Variants in THY1 observed in about 807,000 individuals in gnomAD.
THY1 encodes the protein thy-1 membrane glycoprotein.
Under a neutral mutation model 14.9 loss-of-function variants are expected in THY1, and 10 were observed. That is an observed-to-expected ratio of 0.67 (90% CI 0.41 to 1.14). The LOEUF is 1.14. Among genes scored for constraint, THY1 ranks in the 50% most tolerant of loss-of-function variants. The pLI, the probability that THY1 is intolerant of heterozygous loss-of-function variation, is 0.00. For synonymous variants in THY1, 80 were observed against 90.0 expected (o/e 0.89, Z 0.63); for missense variants, 159 against 202.1 (o/e 0.79, Z 1.29).
intron 3 of THY1, 31 bp from the exon 4 acceptor site, chr11:119,419,551 G>A: frequency 6.3e-7 from 1 of 1,583,568 alleles, no homozygotes; most frequent in South Asian, 1.1e-5. Flanking sequence ...CGGGGGCAGG[G>A]TAGGAAGGAA....
In THY1 at chr11:119,416,235, G is replaced by C. The variant is rs9651689; in HGVS notation, c.*3173C>G. On this transcript the variant is annotated 3_prime_UTR_variant, in exon 4 of 4. Transcript: ENST00000284240. ...TAGGTATGGACTTAGGTGCTGAAGG[G>C]GGGGGACCCAGGAAAGAGGTTAGGA... Among the ~76,000 whole-genome samples, 2,559 of 152,268 alleles carry C rather than the reference G, an allele frequency of 0.017. 64 individuals are homozygous for C. The highest frequency in any genetic ancestry group is 0.057 in the African/African-American group (2,358 of 41,550).
At chr11:119,423,295 TG>T (rs1449168621), upstream of THY1, 1 of 118,418 alleles carries the variant, frequency 8.4e-6, no homozygotes, top group African/African-American at 5.9e-5. Flanking sequence ...GGGTGGGGGG[TG>T]GGGAAGGAAG....
In THY1 at chr11:119,423,095, A is replaced by C. The variant is rs920224031; in HGVS notation, c.-25+18T>G. 1.8e-5 allele frequency: 8 copies of C among 455,716 alleles called. No homozygotes were observed. Among genetic ancestry groups the C allele is most frequent in the Non-Finnish European group, 3.5e-5 (8 of 226,820 alleles). 28.2% of individuals were successfully genotyped at this position (455,716 alleles called of 1,614,324 possible). On this transcript the variant is annotated intron_variant, in intron 1 of 3. Coordinates refer to ENST00000284240, the MANE Select transcript of THY1 (RefSeq NM_006288.5). Reference sequence around the variant, plus strand: ...CGGCGGTCCCCGAGCCCCAGGTCCCACCGGCTCCAGTTCCCACCTGGACTG... The same window carrying C: ...CGGCGGTCCCCGAGCCCCAGGTCCCCCCGGCTCCAGTTCCCACCTGGACTG...
chr11:119,420,136 G>C lies in THY1; in HGVS notation c.288C>G (p.Ser96Arg). 3 of 1,614,266 alleles carry C rather than the reference G, an allele frequency of 1.9e-6. No individual in the cohort carries two copies. The highest frequency in any genetic ancestry group is 2.5e-6 in the Non-Finnish European group (3 of 1,180,048). Residue 96 changes from serine to arginine, a missense_variant, in exon 3 of 4, where the codon AGC becomes AGG. Coordinates refer to ENST00000284240, the MANE Select transcript of THY1 (RefSeq NM_006288.5). The stretch of plus-strand genomic sequence containing the variant: ...CACACGTGTAGGTGCCCTCGTCCTT[G>C]CTAGTGAAGGCGGATAAGTAGAGGA... ...MKVLYLSAFT[S>R]KDEGTYTCAL...
chr11:119,421,276 T>A (rs1861894598), intron 1 of THY1: 1 of 196,176 alleles, frequency 5.1e-6, no homozygotes, highest in East Asian at 1.2e-4. Flanking sequence ...GGCTTCGTAT[T>A]TAAAAAAAAA....
chr11:119,422,938 C>T lies in THY1; in HGVS notation c.-25+175G>A, dbSNP rs898840314. Among the ~76,000 whole-genome samples, 3 of 152,242 alleles carry T rather than the reference C, an allele frequency of 2.0e-5. No individual in the cohort carries two copies. The highest frequency in any genetic ancestry group is 4.4e-5 in the Non-Finnish European group (3 of 68,020). ...CATCAGGGTGCCACGCGGCCCCTGCCCTGCAGAAGCATCCCCCTCCCGCCC... is the reference window on the plus strand; with the variant it reads ...CATCAGGGTGCCACGCGGCCCCTGCTCTGCAGAAGCATCCCCCTCCCGCCC... On this transcript the variant is annotated intron_variant, in intron 1 of 3. Coordinates refer to ENST00000284240, the MANE Select transcript of THY1 (RefSeq NM_006288.5). This position sits in a 1 kb window ranked among gnomAD's most constrained non-coding sequence, Gnocchi z 7.0.
Position 119,419,511 on chromosome 11 carries a change from A to C in THY1, c.383T>G (p.Val128Gly). Residue 128 changes from valine (V) to glycine (G), a missense_variant, in exon 4 of 4, where the codon GTC becomes GGC. Physicochemically the swap from Val to Gly is moderately radical, Grantham distance 109. Transcript: ENST00000284240. ...QNVTVLRDKLVKCEGISLLAQ... is the reference protein window; with the variant it reads ...QNVTVLRDKLGKCEGISLLAQ... ...CAGCAGGCTGATGCCCTCACACTTG[A>C]CCAGTTTGTCTGCAGAAAGAGAAGG... 1 of 1,612,910 alleles carries C rather than the reference A, an allele frequency of 6.2e-7. No individual in the cohort carries two copies. Among genetic ancestry groups the C allele is most frequent in the Non-Finnish European group, 8.5e-7 (1 of 1,179,924 alleles).
chr11:119,415,730 G>A lies in THY1; in HGVS notation c.*3678C>T, dbSNP rs763263370. Among the ~76,000 whole-genome samples, 4 of 152,268 alleles carry A rather than the reference G, an allele frequency of 2.6e-5. 1 individual carries two copies. The South Asian group carries it at 8.3e-4, about 32-fold the overall frequency. Reference sequence around the variant, plus strand: ...GTGCCGGGCAAAGATGCCTCCTGTGGGTCTGCACAGGACATGTTTCTCCTT... The same window carrying A: ...GTGCCGGGCAAAGATGCCTCCTGTGAGTCTGCACAGGACATGTTTCTCCTT... On this transcript the variant is annotated 3_prime_UTR_variant, in exon 4 of 4. Coordinates refer to ENST00000284240, the MANE Select transcript of THY1 (RefSeq NM_006288.5).
chr11:119,420,725 C>T (rs764094961), intron 2 of THY1, 144 bp downstream of exon 2: 47 of 1,007,352 alleles, frequency 4.7e-5, no homozygotes, highest in Non-Finnish European at 6.6e-5. Flanking sequence ...AGAATATCAG[C>T]GCGGTGGATT....
intron 2 of THY1, 147 bp from the exon 3 acceptor site, chr11:119,420,533 T>G: frequency 1.3e-6 from 1 of 763,590 alleles, no homozygotes; most frequent in South Asian, 1.9e-5. Flanking sequence ...ATCCCACTTC[T>G]CCTTTGCAGA....
rs1861874015 is a variant in THY1 at position 119,420,326 on chromosome 11, C to T, written c.98G>A (p.Ser33Asn). ...CTCATGGCGGCAGTCCAGACGAAGG[C>T]TCTGGTCCACTAGGCAGGCCGTTAG... ...TSLTACLVDQ[S>N]LRLDCRHENT... The change falls in exon 3 of 4, where the codon AGC becomes AAC. Residue 33 changes from serine (S) to asparagine (N), a missense_variant. Physicochemically the swap from Ser to Asn is conservative, Grantham distance 46. Coordinates refer to ENST00000284240, the MANE Select transcript of THY1 (RefSeq NM_006288.5). The T allele has an allele frequency of 1.2e-6, 2 of 1,614,058 alleles. No individual in the cohort carries two copies.
At chr11:119,423,520 T>A (rs911522917), upstream of THY1, 3 of 277,576 alleles carry the variant, frequency 1.1e-5, no homozygotes, top group Non-Finnish European at 2.1e-5. Flanking sequence ...TCTTCAGGAG[T>A]CTGTGGGAAA....
chr11:119,423,580 A>G (rs11574653), upstream of THY1: 52,931 of 205,186 alleles, frequency 0.26, 7,302 homozygotes, highest in Admixed American at 0.32. Context: ...CCACGCCTCC[A>G]CATTTCCTTT....
Position 119,419,120 on chromosome 11 carries a change from C to A in THY1, c.*288G>T. ...TCAGGTCCCCAATCCTGGCTTCCCT[C>A]TTCACGAACTCTCAAAGAAAAGGAA... On this transcript the variant is annotated 3_prime_UTR_variant, in exon 4 of 4. Transcript: ENST00000284240. The A allele has an allele frequency of 2.5e-6, 1 of 400,612 alleles. No individual in the cohort carries two copies. The highest frequency in any genetic ancestry group is 4.8e-6 in the Non-Finnish European group (1 of 208,974). The allele number at this position is 400,612 out of a possible 1,614,324, so 24.8% of individuals were successfully genotyped here.
chr11:119,415,565 C>G lies in THY1; in HGVS notation c.*3843G>C, dbSNP rs3138096. On this transcript the variant is annotated 3_prime_UTR_variant, in exon 4 of 4. Transcript: ENST00000284240. ...CACTGCCAGGCACTCCCCGCCTGCA[C>G]TGCTGGGCACCTCCAGCCATCACAG... Among the ~76,000 whole-genome samples the G allele has an allele frequency of 0.24, 36,396 of 152,208 alleles. 4,855 individuals are homozygous for G. Among genetic ancestry groups the G allele is most frequent in the Admixed American group, 0.31 (4,771 of 15,290 alleles).
Position 119,420,093 on chromosome 11 carries a change from G to A in THY1, c.331C>T (p.His111Tyr). Residue 111 changes from histidine to tyrosine, a missense_variant, in exon 3 of 4, where the codon CAT becomes TAT. Coordinates refer to ENST00000284240, the MANE Select transcript of THY1 (RefSeq NM_006288.5). ...TTCTGGGAGGAGATGGGTGGGGAAT[G>A]GCCAGAGTGGTGGAGTGCACACGTG... ...TYTCALHHSGHSPPISSQNVT... is the reference protein window; with the variant it reads ...TYTCALHHSGYSPPISSQNVT... 1 of 1,614,242 alleles carries A rather than the reference G, an allele frequency of 6.2e-7. No homozygotes were observed. Among genetic ancestry groups the A allele is most frequent in the Non-Finnish European group, 8.5e-7 (1 of 1,180,032 alleles).
In THY1 at chr11:119,419,356, G is replaced by C. The variant is rs368461760; in HGVS notation, c.*52C>G. 3.3e-6 allele frequency: 5 copies of C among 1,495,872 alleles called. No individual in the cohort carries two copies. Among genetic ancestry groups the C allele is most frequent in the East Asian group, 2.3e-5 (1 of 43,790 alleles). The allele number at this position is 1,495,872 out of a possible 1,614,324, so 92.7% of individuals were successfully genotyped here. On this transcript the variant is annotated 3_prime_UTR_variant, in exon 4 of 4. Coordinates refer to ENST00000284240, the MANE Select transcript of THY1 (RefSeq NM_006288.5). ...GGGGTCAGCTGACTCAGAGAAGTAG[G>C]ATCTCTGCACTGGAACTTGAGGCTT...
At position 119,415,955 on chromosome 11, in the gene THY1, G is replaced by A. The variant is rs1480620373; in HGVS notation, c.*3453C>T. On this transcript the variant is annotated 3_prime_UTR_variant, in exon 4 of 4. Transcript: ENST00000284240. The stretch of plus-strand genomic sequence containing the variant: ...ACATGTAAAGACACCTTCACAGCAC[G>A]AAAGCTGCAGATTCAGAGAGGGACA... Among the ~76,000 whole-genome samples, 2 of 152,158 alleles carry A rather than the reference G, an allele frequency of 1.3e-5. No individual in the cohort carries two copies. Among genetic ancestry groups the A allele is most frequent in the Admixed American group, 6.5e-5 (1 of 15,276 alleles).
chr11:119,421,020 G>T, intron 1 of THY1, 91 bp from the exon 2 acceptor site: 2 of 1,184,092 alleles, frequency 1.7e-6, no homozygotes, highest in Non-Finnish European at 1.3e-6. Context: ...AGTGGCTATG[G>T]CAGTCATCTA....
Sources: gnomAD v4.1 joint callset for allele counts (sites outside exome capture counted in the v4.1 genomes callset) on GRCh38, gnomAD v4.1.1 for gene constraint, Gnocchi (gnomAD v3.1) non-coding constraint, MANE v1.5 for transcripts, NCBI Gene and HGNC (gene_info 2026-07-23, HGNC 2026-07-21) for gene names.